DLGAP2: variants seen among roughly 807,000 people sequenced by gnomAD.
DLGAP2 encodes DLG associated protein 2.
DLGAP2 carries 26 observed loss-of-function variants against 100.3 expected under a neutral mutation model. That is an observed-to-expected ratio of 0.26 (90% CI 0.19 to 0.36). DLGAP2 has a LOEUF of 0.36. Ranked by LOEUF, DLGAP2 falls within the 10% of genes least tolerant of loss-of-function variation. DLGAP2 has a pLI of 1.00. For missense variants in DLGAP2, 1,858 were observed against 1,453.2 expected, an observed-to-expected ratio of 1.28 and a Z score of -4.53; for synonymous variants, 886 against 630.1, an observed-to-expected ratio of 1.41 and a Z score of -6.08.
chr8:1,268,256 C>CCGTG (rs1447331741), intron 3 of DLGAP2, among the ~76,000 whole-genome samples: 3 of 152,004 alleles, frequency 2.0e-5, no homozygotes, highest in African/African-American at 7.3e-5. Flanking sequence ...AAACATCAGG[C>CCGTG]CGTGGGTTTA....
intron 1 of DLGAP2, among the ~76,000 whole-genome samples, chr8:823,952 A>T (rs1796636211): frequency 6.6e-6 from 1 of 152,174 alleles, no homozygotes; most frequent in Non-Finnish European, 1.5e-5. Context: ...ACTTAGCTTT[A>T]TCCCAAAGGG....
intron 2 of DLGAP2, among the ~76,000 whole-genome samples, chr8:947,841 C>T (rs1413778360): frequency 3.3e-5 from 5 of 150,516 alleles, no homozygotes; most frequent in African/African-American, 4.9e-5. Context: ...CTCCCGACCC[C>T]GTGCCAGCCC....
At position 1,530,056 on chromosome 8, in the gene DLGAP2, C is replaced by T. The variant is rs529464999; in HGVS notation, c.173-18570C>T. 4.3e-3 allele frequency among the ~76,000 whole-genome samples: 657 copies of T among 152,270 alleles called. 3 individuals are homozygous for T. The highest frequency in any genetic ancestry group is 6.0e-3 in the Non-Finnish European group (406 of 68,018). ...GAAATTAAAATTGCTAATGAAGTTT[C>T]GGGCACCACTGTCATTGATAACATC... On this transcript the variant is annotated intron_variant, in intron 4 of 14. Transcript: ENST00000637795.
At chr8:979,375 C>G (rs186315555) in intron 2 of DLGAP2, among the ~76,000 whole-genome samples, 3 of 152,312 alleles carry the variant, frequency 2.0e-5, no homozygotes, top group Admixed American at 1.3e-4. Context: ...GTAGTTGAAC[C>G]TAACAGCAGA....
At position 1,334,036 on chromosome 8, in the gene DLGAP2, C is replaced by G. The variant is rs73170464; in HGVS notation, c.106+75153C>G. Among the ~76,000 whole-genome samples, 687 of 152,336 alleles carry G rather than the reference C, an allele frequency of 4.5e-3. 4 individuals carry two copies. Among genetic ancestry groups the G allele is most frequent in the Non-Finnish European group, 7.8e-3 (532 of 68,034 alleles). On this transcript the variant is annotated intron_variant, in intron 3 of 14. Transcript: ENST00000637795. The stretch of plus-strand genomic sequence containing the variant: ...GAGGCTTCCTTGCGTGAGGAAGGCC[C>G]ACAGAGTCCAGATTTCACTGAGAGA...
chr8:1,412,955 G>T (rs1430885825), intron 3 of DLGAP2, among the ~76,000 whole-genome samples: 1 of 152,060 alleles, frequency 6.6e-6, no homozygotes. Context: ...CAGCTCAAGT[G>T]TCCCCTCCTC....
At position 1,274,695 on chromosome 8, in the gene DLGAP2, C is replaced by CTTTT. The variant is rs145930765; in HGVS notation, c.106+15838_106+15841dup. Among the ~76,000 whole-genome samples, 2 of 22,210 alleles carry CTTTT rather than the reference C, an allele frequency of 9.0e-5. 1 individual carries two copies. Among genetic ancestry groups the CTTTT allele is most frequent in the African/African-American group, 4.5e-4 (2 of 4,400 alleles). 14.6% of individuals were successfully genotyped at this position (22,210 alleles called of 152,430 possible). A position where few individuals can be genotyped will look rare whatever the true frequency, so the allele number is the denominator to read the frequency against. ...TTCTGAGATAGTTGTTTTCATTTAT[C>CTTTT]TTTTTTTTTTTTTTTTTTTTTTTTT... On this transcript the variant is annotated intron_variant, in intron 3 of 14. Coordinates refer to ENST00000637795, the MANE Select transcript of DLGAP2 (RefSeq NM_001346810.2).
intron 4 of DLGAP2, among the ~76,000 whole-genome samples, chr8:1,522,072 G>C (rs1800621239): frequency 6.7e-6 from 1 of 149,420 alleles, no homozygotes; most frequent in Admixed American, 6.7e-5. Context: ...GAATACTCGG[G>C]GGCAGGTGAT....
intron 2 of DLGAP2, among the ~76,000 whole-genome samples, chr8:1,127,023 G>T (rs1381844432): frequency 2.7e-5 from 4 of 148,884 alleles, no homozygotes; most frequent in Non-Finnish European, 1.5e-5. Context: ...TGCCCACCCT[G>T]TCCCCAGCCC....
At position 756,094 on chromosome 8, in the gene DLGAP2, T is replaced by C. The variant is rs966580473; in HGVS notation, c.18+18269T>C. On this transcript the variant is annotated intron_variant, in intron 1 of 14. Transcript: ENST00000637795. The stretch of plus-strand genomic sequence containing the variant: ...CTTTTAGGTCATGTTAGCGGCTTTT[T>C]TTGTGCTAATAGTCATAAGAACACG... Among the ~76,000 whole-genome samples, 40 of 152,288 alleles carry C rather than the reference T, an allele frequency of 2.6e-4. No homozygotes were observed. In the East Asian group the frequency reaches 4.1e-3, roughly 15 times the overall value.
intron 1 of DLGAP2, among the ~76,000 whole-genome samples, chr8:812,241 G>T (rs551568394): frequency 6.6e-6 from 1 of 152,188 alleles, no homozygotes; most frequent in African/African-American, 2.4e-5. Context: ...TTCGAAGGCC[G>T]TCTGGAGGTG....
At chr8:1,501,147 C>T (rs1799709456) in intron 3 of DLGAP2, among the ~76,000 whole-genome samples, 4 of 152,130 alleles carry the variant, frequency 2.6e-5, no homozygotes, top group South Asian at 4.2e-4. Flanking sequence ...GGGAGAAATA[C>T]GTGCATCTGT....
At chr8:855,450 G>T (rs1440621955) in intron 1 of DLGAP2, among the ~76,000 whole-genome samples, 3 of 152,290 alleles carry the variant, frequency 2.0e-5, no homozygotes, top group Non-Finnish European at 2.9e-5. Flanking sequence ...TGACCAGAGA[G>T]GCAGGAGAAT....
Position 1,706,791 on chromosome 8 carries a change from C to T in DLGAP2, c.*5385C>T, listed in dbSNP as rs1799717420. On this transcript the variant is annotated 3_prime_UTR_variant, in exon 15 of 15. Transcript: ENST00000637795. Reference sequence around the variant, plus strand: ...GAAACATCAGGAACGAAATCAGACACACTGACTCAAACCACGCAAGGGTTT... The same window carrying T: ...GAAACATCAGGAACGAAATCAGACATACTGACTCAAACCACGCAAGGGTTT... 6.6e-6 allele frequency: 1 copy of T among 152,172 alleles called. No individual in the cohort carries two copies. The highest frequency in any genetic ancestry group is 6.5e-5 in the Admixed American group (1 of 15,276). The allele number at this position is 152,172 out of a possible 1,614,324, so 9.4% of individuals were successfully genotyped here.
intron 3 of DLGAP2, among the ~76,000 whole-genome samples, chr8:1,303,815 T>G (rs1429564304): frequency 2.6e-5 from 4 of 152,066 alleles, no homozygotes; most frequent in Non-Finnish European, 4.4e-5. Flanking sequence ...TGCGCTGCGC[T>G]GAGGAGAAGG....
At chr8:1,245,919 G>T (rs1008998857) in intron 2 of DLGAP2, among the ~76,000 whole-genome samples, 2 of 152,188 alleles carry the variant, frequency 1.3e-5, no homozygotes, top group Admixed American at 6.5e-5. Flanking sequence ...ACCGCCGTGG[G>T]GAGGACAGAG....
At chr8:1,176,222 C>T (rs772186779) in intron 2 of DLGAP2, among the ~76,000 whole-genome samples, 1 of 152,130 alleles carries the variant, frequency 6.6e-6, no homozygotes, top group Non-Finnish European at 1.5e-5. Context: ...GTGGGAAATG[C>T]TGCCACTTTC....
At chr8:1,448,587 T>C (rs1798048815) in intron 3 of DLGAP2, among the ~76,000 whole-genome samples, 1 of 152,226 alleles carries the variant, frequency 6.6e-6, no homozygotes. Flanking sequence ...GAGAGTTCTG[T>C]AGATGTCTAT....
At chr8:1,063,725 C>T (rs1803159056) in intron 2 of DLGAP2, among the ~76,000 whole-genome samples, 1 of 152,086 alleles carries the variant, frequency 6.6e-6, no homozygotes, top group African/African-American at 2.4e-5. Flanking sequence ...CTGTACAGGA[C>T]TGAGCATGGC....
Sources: gnomAD v4.1 joint callset for allele counts (sites outside exome capture counted in the v4.1 genomes callset) on GRCh38, gnomAD v4.1.1 for gene constraint, MANE v1.5 for transcripts, NCBI Gene and HGNC (gene_info 2026-07-23, HGNC 2026-07-21) for gene names.